Variants in STK32A observed in about 807,000 individuals in gnomAD.
STK32A encodes the protein serine/threonine-protein kinase 32A.
A neutral mutation model predicts 53.2 loss-of-function variants in STK32A; 41 were observed. The ratio of observed to expected loss-of-function variants is 0.77; its 90% CI spans 0.60 to 1.00. The LOEUF (loss-of-function observed/expected upper bound fraction) is 1.00. Among genes scored for constraint, STK32A ranks in the 50% least tolerant of loss-of-function variants. The probability of loss-of-function intolerance (pLI) is 0.00; values close to 1 mark genes in which losing one functional copy is unlikely to be tolerated. For synonymous variants in STK32A, 166 were observed against 162.8 expected (o/e 1.02, Z -0.15); for missense variants, 458 against 485.8 (o/e 0.94, Z 0.54).
intron 2 of STK32A, among the ~76,000 whole-genome samples, chr5:147,261,783 T>C (rs1249186565): frequency 6.6e-6 from 1 of 152,206 alleles, no homozygotes; most frequent in African/African-American, 2.4e-5. Context: ...AGTAGGATTA[T>C]GAGGAACCCT....
At chr5:147,289,031 T>A (rs1261039905) in intron 4 of STK32A, among the ~76,000 whole-genome samples, 1 of 152,192 alleles carries the variant, frequency 6.6e-6, no homozygotes, top group Non-Finnish European at 1.5e-5. Context: ...CCATCTCCTA[T>A]GGTTCATTGT....
intron 5 of STK32A, among the ~76,000 whole-genome samples, chr5:147,338,774 GA>G (rs1330186007): frequency 1.7e-4 from 26 of 152,302 alleles, no homozygotes; most frequent in African/African-American, 6.3e-4. Context: ...CCCTGCCATA[GA>G]GATCTGTGTA....
At chr5:147,299,517 C>T (rs1009926756) in intron 4 of STK32A, among the ~76,000 whole-genome samples, 8 of 152,150 alleles carry the variant, frequency 5.3e-5, no homozygotes, top group African/African-American at 1.4e-4. Flanking sequence ...CTGGTTCACA[C>T]GCCTCTGACA....
chr5:147,242,270 A>G (rs2151938593), intron 2 of STK32A, among the ~76,000 whole-genome samples: 1 of 152,290 alleles, frequency 6.6e-6, no homozygotes, highest in South Asian at 2.1e-4. Context: ...AGACAGTTGC[A>G]AGGCAAAGGA....
At chr5:147,373,403 G>C in intron 10 of STK32A, 109 bp downstream of exon 10, 1 of 1,424,686 alleles carries the variant, frequency 7.0e-7, no homozygotes, top group African/African-American at 1.4e-5. Context: ...TGTTAAGAGA[G>C]CCCCAATTCC....
intron 6 of STK32A, among the ~76,000 whole-genome samples, chr5:147,348,352 A>C (rs1755788378): frequency 6.6e-6 from 1 of 152,234 alleles, no homozygotes; most frequent in Admixed American, 6.5e-5. Context: ...TCTTTTAAAA[A>C]TGTAATCTCA....
At position 147,366,875 on chromosome 5, in the gene STK32A, C is replaced by CT. The variant is rs71798889; in HGVS notation, c.661-3768dup. 1.4e-3 allele frequency among the ~76,000 whole-genome samples: 210 copies of CT among 147,180 alleles called. 1 individual carries two copies. The highest frequency in any genetic ancestry group is 3.9e-3 in the South Asian group (18 of 4,606). ...AGAAGTATGTTTTACCTTGTTGAGCCTTTTTTTTTTTCATTTCATAAGATA... is the reference window on the plus strand; with the variant it reads ...AGAAGTATGTTTTACCTTGTTGAGCCTTTTTTTTTTTTCATTTCATAAGATA... On this transcript the variant is annotated intron_variant, in intron 8 of 12. Transcript: ENST00000397936.
chr5:147,395,655 G>A, the STK32A span: 1 of 1,614,112 alleles, frequency 6.2e-7, no homozygotes, highest in Middle Eastern at 1.6e-4. Context: ...CCACCTTTGG[G>A]GGTGGTGGTC....
the STK32A span, among the ~76,000 whole-genome samples, chr5:147,401,082 G>A: frequency 3.3e-5 from 5 of 152,190 alleles, no homozygotes; most frequent in Non-Finnish European, 7.3e-5. Context: ...GTACTCAAAT[G>A]AGCAATGTCA....
chr5:147,259,371 C>T (rs1460723835), intron 2 of STK32A, among the ~76,000 whole-genome samples: 2 of 152,090 alleles, frequency 1.3e-5, no homozygotes, highest in Non-Finnish European at 2.9e-5. Context: ...TTCGGGCCAT[C>T]CGCGGGTTAC....
In STK32A at chr5:147,292,637, G is replaced by A. The variant is rs187781984; in HGVS notation, c.260+13239G>A. On this transcript the variant is annotated intron_variant, in intron 4 of 12. Coordinates refer to ENST00000397936, the MANE Select transcript of STK32A (RefSeq NM_001112724.2). ...TAATCCCAGCATTTTGGGAGGCCAA[G>A]GCAGGTGGATCACCTGAGGTCGGGA... 2.5e-4 allele frequency among the ~76,000 whole-genome samples: 38 copies of A among 152,302 alleles called. No individual in the cohort carries two copies. In the East Asian group the frequency reaches 6.6e-3, roughly 26 times the overall value.
the STK32A span, chr5:147,397,818 T>C: frequency 6.2e-7 from 1 of 1,613,252 alleles, no homozygotes; most frequent in Non-Finnish European, 8.5e-7. Flanking sequence ...CGCAGCTCCA[T>C]CCCTTCAAAG....
rs10515581 is a variant in STK32A, at chr5:147,342,916, C to T, written c.435-90C>T. 0.012 allele frequency: 13,578 copies of T among 1,126,180 alleles called. 973 individuals are homozygous for T. In the East Asian group the frequency reaches 0.19, roughly 16 times the overall value. 69.8% of individuals were successfully genotyped at this position (1,126,180 alleles called of 1,614,324 possible). A position where few individuals can be genotyped will look rare whatever the true frequency, so the allele number is the denominator to read the frequency against. On this transcript the variant is annotated intron_variant, in intron 5 of 12. Transcript: ENST00000397936. The stretch of plus-strand genomic sequence containing the variant: ...AGAAGCTAGTACACTGTTTCAACTC[C>T]AGTTAGCTTTCTTAAGCCTTTTTGC...
At chr5:147,381,454 C>T (rs1453287169) in intron 11 of STK32A, among the ~76,000 whole-genome samples, 1 of 151,856 alleles carries the variant, frequency 6.6e-6, no homozygotes, top group Non-Finnish European at 1.5e-5. Context: ...ATCAGCCTGG[C>T]CAACATGATG....
In STK32A at chr5:147,370,868, G is replaced by A. The variant is rs1006145974; in HGVS notation, c.777+98G>A. 1.3e-5 allele frequency: 10 copies of A among 749,814 alleles called. No homozygotes were observed. The African/African-American group carries it at 1.7e-4, about 13-fold the overall frequency. The allele number at this position is 749,814 out of a possible 1,614,324, so 46.4% of individuals were successfully genotyped here. On this transcript the variant is annotated intron_variant, in intron 9 of 12. Transcript: ENST00000397936. Reference sequence around the variant, plus strand: ...AGTATACAATATTGGGGACAGTCATGATAGTATACATTTGTAGAGTGTATT... The same window carrying A: ...AGTATACAATATTGGGGACAGTCATAATAGTATACATTTGTAGAGTGTATT...
At chr5:147,302,034 C>T (rs1199417354) in intron 4 of STK32A, among the ~76,000 whole-genome samples, 12 of 152,162 alleles carry the variant, frequency 7.9e-5, no homozygotes, top group Admixed American at 1.3e-4. Flanking sequence ...GATCACCTCT[C>T]TATCTGATGA....
chr5:147,353,603 T>C (rs1260917813), intron 7 of STK32A, among the ~76,000 whole-genome samples: 2 of 151,900 alleles, frequency 1.3e-5, no homozygotes, highest in South Asian at 2.1e-4. Context: ...CTACTAAAAA[T>C]ACAAAAATTA....
intron 5 of STK32A, chr5:147,342,329 A>G (rs1252479876): frequency 6.6e-6 from 1 of 152,196 alleles, no homozygotes; most frequent in African/African-American, 2.4e-5. Flanking sequence ...GTTATGGTGG[A>G]AGAAGTATCC....
At chr5:147,275,683 G>A (rs1755226398) in intron 2 of STK32A, among the ~76,000 whole-genome samples, 2 of 152,106 alleles carry the variant, frequency 1.3e-5, no homozygotes, top group South Asian at 4.1e-4. Flanking sequence ...GTTATACAAG[G>A]AAGTGACTTC....
Sources: allele counts gnomAD v4.1 joint callset (sites outside exome capture counted in the v4.1 genomes callset), GRCh38; gene constraint gnomAD v4.1.1; transcripts MANE v1.5; gene names NCBI Gene and HGNC (gene_info 2026-07-23, HGNC 2026-07-21).